CAMTA1: variants seen among roughly 807,000 people sequenced by gnomAD.
The protein encoded by CAMTA1 is calmodulin-binding transcription activator 1.
In CAMTA1, 27 loss-of-function variants were observed where a neutral mutation model predicts 170.9. The ratio of observed to expected loss-of-function variants is 0.16; its 90% CI spans 0.12 to 0.22. CAMTA1 has a LOEUF of 0.22. CAMTA1 is among the 10% of genes least tolerant of loss of function. The pLI, the probability that CAMTA1 is intolerant of heterozygous loss-of-function variation, is 1.00. For synonymous variants in CAMTA1, 833 were observed against 891.5 expected, an observed-to-expected ratio of 0.93 and a Z score of 1.17; for missense variants, 1,619 against 2,217.2, an observed-to-expected ratio of 0.73 and a Z score of 5.42.
At chr1:6,786,233 C>T (rs1318484122) in intron 1 of CAMTA1, among the ~76,000 whole-genome samples, 2 of 152,008 alleles carry the variant, frequency 1.3e-5, no homozygotes, top group African/African-American at 4.8e-5. Context: ...GCCGAAGGGC[C>T]TCGTGTGACC....
intron 3 of CAMTA1, among the ~76,000 whole-genome samples, chr1:6,919,066 T>A (rs1261812271): frequency 1.3e-5 from 2 of 152,152 alleles, no homozygotes; most frequent in Non-Finnish European, 2.9e-5. Context: ...CTGAAAACAC[T>A]CTGTTTTTGG....
chr1:7,184,712 T>C (rs1652902602), intron 4 of CAMTA1, among the ~76,000 whole-genome samples: 1 of 152,206 alleles, frequency 6.6e-6, no homozygotes, highest in African/African-American at 2.4e-5. Flanking sequence ...TGAGTATATC[T>C]GTTTATATGC....
chr1:7,540,844 A>G (rs760703856), intron 6 of CAMTA1, among the ~76,000 whole-genome samples: 26 of 152,226 alleles, frequency 1.7e-4, no homozygotes, highest in Non-Finnish European at 3.2e-4. Flanking sequence ...TCAATCATAG[A>G]GGCTTTGGCC....
chr1:7,619,637 A>G (rs2095583449), intron 6 of CAMTA1, among the ~76,000 whole-genome samples: 1 of 151,860 alleles, frequency 6.6e-6, no homozygotes, highest in South Asian at 2.1e-4. Context: ...CAATGACAAA[A>G]TTGAGGAGAA....
rs375946682 is a variant in CAMTA1, at chr1:7,721,512, C to A, written c.2915-10936C>A. Among the ~76,000 whole-genome samples the A allele has an allele frequency of 2.8e-4, 43 of 152,004 alleles. 2 individuals are homozygous for A. Among genetic ancestry groups the A allele is most frequent in the African/African-American group, 1.0e-3 (42 of 41,444 alleles). ...ACACTCTGAAGAGTTAAGAAGTTCA[C>A]CAGGTGGATGAGGAGAAAGGTTGGC... On this transcript the variant is annotated intron_variant, in intron 11 of 22. Coordinates refer to ENST00000303635, the MANE Select transcript of CAMTA1 (RefSeq NM_015215.4).
chr1:6,875,961 A>G (rs1669713423), intron 3 of CAMTA1, among the ~76,000 whole-genome samples: 1 of 152,238 alleles, frequency 6.6e-6, no homozygotes, highest in Non-Finnish European at 1.5e-5. Context: ...TTGTAAGGTA[A>G]AATGAGTTTT....
At chr1:7,120,163 C>A (rs576603397) in intron 4 of CAMTA1, among the ~76,000 whole-genome samples, 1 of 152,208 alleles carries the variant, frequency 6.6e-6, no homozygotes, top group Non-Finnish European at 1.5e-5. Flanking sequence ...TAACAAATTA[C>A]CCCACACTGA....
chr1:7,354,117 C>A (rs1049147502), intron 5 of CAMTA1, among the ~76,000 whole-genome samples: 8 of 152,042 alleles, frequency 5.3e-5, no homozygotes, highest in African/African-American at 1.9e-4. Context: ...GCGTAGTATT[C>A]CACGGTGCAT....
intron 11 of CAMTA1, among the ~76,000 whole-genome samples, chr1:7,723,624 G>T (rs2096663563): frequency 6.6e-6 from 1 of 152,068 alleles, no homozygotes; most frequent in Non-Finnish European, 1.5e-5. Context: ...AGCAAACATT[G>T]CCTTAACCAA....
intron 6 of CAMTA1, among the ~76,000 whole-genome samples, chr1:7,469,377 G>A (rs1430527245): frequency 6.6e-6 from 1 of 152,228 alleles, no homozygotes. Context: ...GATGAAGGGT[G>A]GGGTTCCACC....
intron 4 of CAMTA1, among the ~76,000 whole-genome samples, chr1:7,171,516 G>T (rs188400303): frequency 6.6e-6 from 1 of 152,050 alleles, no homozygotes; most frequent in Non-Finnish European, 1.5e-5. Context: ...GTATTTATTG[G>T]ACTGAAATAG....
intron 1 of CAMTA1, among the ~76,000 whole-genome samples, chr1:6,791,080 G>A (rs1171303704): frequency 6.8e-6 from 1 of 147,720 alleles, no homozygotes; most frequent in Non-Finnish European, 1.5e-5. Context: ...TTCCTAAGGT[G>A]GTGTGTATCT....
chr1:7,135,632 T>A (rs1178788158), intron 4 of CAMTA1, among the ~76,000 whole-genome samples: 1 of 152,140 alleles, frequency 6.6e-6, no homozygotes, highest in Non-Finnish European at 1.5e-5. Context: ...CTGAAAACCC[T>A]CCTGCTGCTT....
chr1:6,816,771 A>G (rs1347614439), intron 1 of CAMTA1, among the ~76,000 whole-genome samples: 1 of 152,180 alleles, frequency 6.6e-6, no homozygotes, highest in African/African-American at 2.4e-5. Flanking sequence ...GCCTCCCTCT[A>G]TGGCAGAGCC....
At position 7,609,792 on chromosome 1, in the gene CAMTA1, C is replaced by G. The variant is rs147881746; in HGVS notation, c.511-30608C>G. 7.2e-5 allele frequency among the ~76,000 whole-genome samples: 11 copies of G among 152,220 alleles called. No individual in the cohort carries two copies. Among genetic ancestry groups the G allele is most frequent in the Non-Finnish European group, 1.5e-4 (10 of 68,040 alleles). ...CAAAGCCAGGTGGGAACTGCCCTCCCGCAGGGCACCTGTGAACACGTGTGA... is the reference window on the plus strand; with the variant it reads ...CAAAGCCAGGTGGGAACTGCCCTCCGGCAGGGCACCTGTGAACACGTGTGA... On this transcript the variant is annotated intron_variant, in intron 6 of 22. Coordinates refer to ENST00000303635, the MANE Select transcript of CAMTA1 (RefSeq NM_015215.4). The surrounding 1 kb of genome is among the most constrained non-coding windows in gnomAD (Gnocchi z 4.4).
chr1:7,636,509 G>A (rs1261537388), intron 6 of CAMTA1, among the ~76,000 whole-genome samples: 1 of 152,162 alleles, frequency 6.6e-6, no homozygotes, highest in Non-Finnish European at 1.5e-5. Context: ...CTGAGGTCAG[G>A]AGTTCAAGAC....
At chr1:7,631,875 C>T (rs2095671721) in intron 6 of CAMTA1, among the ~76,000 whole-genome samples, 1 of 152,210 alleles carries the variant, frequency 6.6e-6, no homozygotes, top group Admixed American at 6.5e-5. Context: ...CTAGTGGAAC[C>T]ATCGTCCCAC....
At chr1:7,345,674 A>ACACC (rs1392312909) in intron 5 of CAMTA1, among the ~76,000 whole-genome samples, 1 of 152,190 alleles carries the variant, frequency 6.6e-6, no homozygotes, top group Non-Finnish European at 1.5e-5. Context: ...TTGAGTGCTT[A>ACACC]CACCCCCATG....
intron 6 of CAMTA1, among the ~76,000 whole-genome samples, chr1:7,514,694 C>G (rs2094255411): frequency 6.6e-6 from 1 of 152,194 alleles, no homozygotes; most frequent in Admixed American, 6.5e-5. Context: ...TCTGGCCAAC[C>G]AGCCAAGGGG....
Sources: gnomAD v4.1 joint callset for allele counts (sites outside exome capture counted in the v4.1 genomes callset) on GRCh38, gnomAD v4.1.1 for gene constraint, Gnocchi (gnomAD v3.1) non-coding constraint, MANE v1.5 for transcripts, NCBI Gene and HGNC (gene_info 2026-07-23, HGNC 2026-07-21) for gene names.